Variants in MGMT observed in about 807,000 individuals in gnomAD.
The protein encoded by MGMT is methylated-DNA--protein-cysteine methyltransferase.
A neutral mutation model predicts 15.9 loss-of-function variants in MGMT; 14 were observed. The observed-to-expected ratio is 0.88, with a 90% CI of 0.58 to 1.37. MGMT has a LOEUF of 1.37. Ranked by LOEUF, MGMT falls within the 40% of genes most tolerant of loss-of-function variation. The probability of loss-of-function intolerance (pLI) is 0.00; values close to 1 mark genes in which losing one functional copy is unlikely to be tolerated. For synonymous variants in MGMT, 130 were observed against 118.2 expected, an observed-to-expected ratio of 1.10 and a Z score of -0.65; for missense variants, 282 against 268.1, an observed-to-expected ratio of 1.05 and a Z score of -0.36.
At chr10:129,486,057 C>G (rs1711668) in intron 1 of MGMT, among the ~76,000 whole-genome samples, 113,399 of 152,158 alleles carry the variant, frequency 0.75, 42,412 homozygotes, top group Middle Eastern at 0.8. Flanking sequence ...AGATAGATAG[C>G]CTTTTTAATT....
chr10:129,689,291 C>G (rs1042386412), intron 2 of MGMT, among the ~76,000 whole-genome samples: 1 of 152,222 alleles, frequency 6.6e-6, no homozygotes, highest in Non-Finnish European at 1.5e-5. Context: ...TCACTTTGTC[C>G]CATAAAAATA....
intron 3 of MGMT, among the ~76,000 whole-genome samples, chr10:129,718,542 TCA>T (rs1442344511): frequency 6.6e-6 from 1 of 152,182 alleles, no homozygotes; most frequent in Non-Finnish European, 1.5e-5. Flanking sequence ...GCTGTGGCTC[TCA>T]GTCACTTACC....
chr10:129,573,496 T>C (rs1846443523), intron 2 of MGMT, among the ~76,000 whole-genome samples: 1 of 152,186 alleles, frequency 6.6e-6, no homozygotes, highest in Non-Finnish European at 1.5e-5. Flanking sequence ...ACAAAGGCCT[T>C]TTTAACCTTA....
chr10:129,690,709 G>A (rs1258318544), intron 2 of MGMT, among the ~76,000 whole-genome samples: 1 of 152,204 alleles, frequency 6.6e-6, no homozygotes, highest in Non-Finnish European at 1.5e-5. Flanking sequence ...GATAAGAGGA[G>A]GAAAGTCCCA....
At chr10:129,525,589 A>G (rs1845860090) in intron 1 of MGMT, among the ~76,000 whole-genome samples, 1 of 152,154 alleles carries the variant, frequency 6.6e-6, no homozygotes, top group Non-Finnish European at 1.5e-5. Context: ...TATTCTTTAC[A>G]ACCAAAGCAT....
At chr10:129,686,536 G>A (rs1460348669) in intron 2 of MGMT, among the ~76,000 whole-genome samples, 2 of 151,018 alleles carry the variant, frequency 1.3e-5, no homozygotes, top group Non-Finnish European at 2.9e-5. Context: ...CACCACATCC[G>A]ACTAATTTTT....
intron 2 of MGMT, among the ~76,000 whole-genome samples, chr10:129,697,560 C>T (rs192771497): frequency 1.2e-4 from 19 of 152,294 alleles, no homozygotes. Context: ...AATAGAACAG[C>T]TTATAATGGA....
chr10:129,685,197 G>T (rs1026584751), intron 2 of MGMT, among the ~76,000 whole-genome samples: 2 of 152,238 alleles, frequency 1.3e-5, no homozygotes, highest in Non-Finnish European at 2.9e-5. Flanking sequence ...TGTGTCAAAT[G>T]TATGAATTGT....
chr10:129,497,765 C>G (rs1019199126), intron 1 of MGMT, among the ~76,000 whole-genome samples: 10 of 152,156 alleles, frequency 6.6e-5, no homozygotes, highest in Non-Finnish European at 1.5e-5. Context: ...GGCTGGAGCC[C>G]TCAGAATGGG....
intron 2 of MGMT, among the ~76,000 whole-genome samples, chr10:129,662,803 A>G (rs1847614493): frequency 1.3e-5 from 2 of 152,298 alleles, no homozygotes; most frequent in South Asian, 2.1e-4. Flanking sequence ...AGCAGAAATC[A>G]GGCTAAAAAG....
chr10:129,675,665 C>T (rs56396224), intron 2 of MGMT, among the ~76,000 whole-genome samples: 1 of 152,114 alleles, frequency 6.6e-6, no homozygotes, highest in Admixed American at 6.5e-5. Context: ...AGGCATGGAG[C>T]TCAGAGAAGC....
intron 2 of MGMT, among the ~76,000 whole-genome samples, chr10:129,564,538 C>G (rs1345554531): frequency 1.0e-5 from 1 of 98,342 alleles, no homozygotes; most frequent in African/African-American, 4.1e-5. Flanking sequence ...TTTTCCTCCT[C>G]CACTTCCTCA....
intron 4 of MGMT, among the ~76,000 whole-genome samples, chr10:129,763,601 A>C (rs750283191): frequency 5.9e-5 from 9 of 152,226 alleles, no homozygotes; most frequent in Non-Finnish European, 1.2e-4. Flanking sequence ...GAAAAACCAA[A>C]GCTCTGCTGT....
At chr10:129,561,784 C>T (rs1846281925) in intron 2 of MGMT, among the ~76,000 whole-genome samples, 1 of 152,104 alleles carries the variant, frequency 6.6e-6, no homozygotes, top group Non-Finnish European at 1.5e-5. Flanking sequence ...GCTACATTGA[C>T]CAGGTCCATG....
At position 129,767,075 on chromosome 10, in the gene MGMT, G is replaced by C; in HGVS notation, c.*78G>C. 3 of 1,228,736 alleles carry C rather than the reference G, an allele frequency of 2.4e-6. No individual in the cohort carries two copies. Among genetic ancestry groups the C allele is most frequent in the South Asian group, 1.6e-5 (1 of 64,334 alleles). The allele number at this position is 1,228,736 out of a possible 1,614,324, so 76.1% of individuals were successfully genotyped here. A position where few individuals can be genotyped will look rare whatever the true frequency, so the allele number is the denominator to read the frequency against. On this transcript the variant is annotated 3_prime_UTR_variant, in exon 5 of 5. Transcript: ENST00000651593. Reference sequence around the variant, plus strand: ...GGATGCGGGGCGTGGAGGCACCGCTGTATTAAAGGAAGTGGCAGTGTCCTG... The same window carrying C: ...GGATGCGGGGCGTGGAGGCACCGCTCTATTAAAGGAAGTGGCAGTGTCCTG...
At chr10:129,549,462 T>A (rs142408505) in intron 2 of MGMT, among the ~76,000 whole-genome samples, 42 of 152,232 alleles carry the variant, frequency 2.8e-4, no homozygotes, top group African/African-American at 1.0e-3. Context: ...GTTCAGGATT[T>A]ATGAAGTTCC....
At chr10:129,546,356 C>T (rs142079189) in intron 2 of MGMT, among the ~76,000 whole-genome samples, 3 of 152,264 alleles carry the variant, frequency 2.0e-5, no homozygotes, top group Non-Finnish European at 4.4e-5. Context: ...TGGGGCTGAC[C>T]GAGTTAGGAC....
chr10:129,509,702 A>G (rs1161060519), intron 1 of MGMT, among the ~76,000 whole-genome samples: 21 of 152,228 alleles, frequency 1.4e-4, no homozygotes, highest in Admixed American at 1.4e-3. Context: ...AGTATTGTCA[A>G]TTTAGCTTTT....
At chr10:129,478,894 G>A (rs555734268) in intron 1 of MGMT, among the ~76,000 whole-genome samples, 16 of 148,788 alleles carry the variant, frequency 1.1e-4, no homozygotes, top group African/African-American at 3.7e-4. Flanking sequence ...AGCACAGCTT[G>A]TTTGTTGTTC....
Sources: allele counts gnomAD v4.1 joint callset (sites outside exome capture counted in the v4.1 genomes callset), GRCh38; gene constraint gnomAD v4.1.1; transcripts MANE v1.5; gene names NCBI Gene and HGNC (gene_info 2026-07-23, HGNC 2026-07-21).